The following POTEC variants were observed in gnomAD, a reference collection of about 807,000 sequenced individuals.
POTEC encodes ANKRD26-like family B member 2.
POTEC carries 35 observed loss-of-function variants against 62.0 expected under a neutral mutation model. That is an observed-to-expected ratio of 0.56 (90% CI 0.43 to 0.75). The LOEUF (loss-of-function observed/expected upper bound fraction) is 0.75. Among genes scored for constraint, POTEC ranks in the 30% least tolerant of loss-of-function variants. POTEC has a pLI of 0.00. For synonymous variants in POTEC, 156 were observed against 221.5 expected, an observed-to-expected ratio of 0.70 and a Z score of 2.62; for missense variants, 472 against 655.9, an observed-to-expected ratio of 0.72 and a Z score of 3.06.
In POTEC at chr18:14,508,521, T is replaced by A. The variant is rs965905096; in HGVS notation, c.*3377A>T. 2 of 152,666 alleles carry A rather than the reference T, an allele frequency of 1.3e-5. No homozygotes were observed. The highest frequency in any genetic ancestry group is 2.9e-5 in the Non-Finnish European group (2 of 68,048). The allele number at this position is 152,666 out of a possible 1,614,324, so 9.5% of individuals were successfully genotyped here. Reference sequence around the variant, plus strand: ...ATAATGCAATCACACACAATCACCATGTGACTACATTATGAAAATTCTTCT... The same window carrying A: ...ATAATGCAATCACACACAATCACCAAGTGACTACATTATGAAAATTCTTCT... On this transcript the variant is annotated 3_prime_UTR_variant, in exon 11 of 11. Transcript: ENST00000358970.
rs1204040838 is a variant in POTEC, at chr18:14,542,798, C to T, written c.349G>A (p.Val117Met). The change falls in exon 1 of 11, where the codon GTG (valine) becomes ATG (methionine). Residue 117 changes from valine (V) to methionine (M), a missense_variant. Val to Met is a conservative substitution (Grantham distance 21, BLOSUM62 1). Transcript: ENST00000358970. ...TCGTCGTAGTCTCCCCAAGCGCCCA[C>T]GTTGCTCTTGCCGCTCCCCCTGCAG... is the stretch of plus-strand genomic sequence containing the variant. ...PCCRGSGKSN[V>M]GAWGDYDDSA... 7.4e-6 allele frequency: 12 copies of T among 1,613,588 alleles called. No homozygotes were observed. The Admixed American group carries it at 1.5e-4, about 20-fold the overall frequency.
At chr18:14,531,606 T>C (rs1905519748) in intron 5 of POTEC, 1 of 151,970 alleles carries the variant, frequency 6.6e-6, no homozygotes, top group African/African-American at 2.4e-5. Flanking sequence ...GTGGCACCCA[T>C]TTTGCTTTGA....
intron 9 of POTEC, among the ~76,000 whole-genome samples, chr18:14,517,660 G>A (rs1254064408): frequency 6.6e-6 from 1 of 152,034 alleles, no homozygotes; most frequent in Admixed American, 6.6e-5. Context: ...TACAGAGTTC[G>A]AGACCAGCCT....
chr18:14,543,050 G>C lies in POTEC; in HGVS notation c.97C>G (p.Pro33Ala). Residue 33 changes from proline (P) to alanine (A), a missense_variant, in exon 1 of 11, where the codon CCC (proline) becomes GCC (alanine). This residue lies in a region of POTEC where 257 missense variants were observed against 250.7 expected (regional missense o/e 1.03). Transcript: ENST00000358970. ...KMGKWFHHRF[P>A]CCKGSGKSNM... Reference sequence around the variant, plus strand: ...CTCTTGCCGCTCCCCTTGCAGCAGGGGAAGCGGTGGTGAAACCACTTGCCC... The same window carrying C: ...CTCTTGCCGCTCCCCTTGCAGCAGGCGAAGCGGTGGTGAAACCACTTGCCC... 1 of 1,606,052 alleles carries C rather than the reference G, an allele frequency of 6.2e-7. No individual in the cohort carries two copies.
At chr18:14,533,939 T>C (rs1482213941) in intron 4 of POTEC, among the ~76,000 whole-genome samples, 2 of 151,796 alleles carry the variant, frequency 1.3e-5, no homozygotes, top group Non-Finnish European at 2.9e-5. Context: ...TTTTTTTAAT[T>C]ATACTTTAAG....
intron 10 of POTEC, 31 bp from the exon 11 acceptor site, chr18:14,512,024 A>C: frequency 6.7e-7 from 1 of 1,494,746 alleles, no homozygotes; most frequent in Non-Finnish European, 9.2e-7. Context: ...TTTAGTTAGC[A>C]CTCAATAGAA....
chr18:14,514,036 T>C (rs963202133), intron 9 of POTEC, among the ~76,000 whole-genome samples: 8 of 150,818 alleles, frequency 5.3e-5, no homozygotes, highest in Admixed American at 1.3e-4. Flanking sequence ...GCACATTACA[T>C]ACATTGTGCA....
rs1480210204 is a variant in POTEC at position 14,509,964 on chromosome 18, A to G, written c.*1934T>C. 6.7e-6 allele frequency: 1 copy of G among 148,810 alleles called. No individual in the cohort carries two copies. The highest frequency in any genetic ancestry group is 2.1e-4 in the East Asian group (1 of 4,818). The allele number at this position is 148,810 out of a possible 1,614,324, so 9.2% of individuals were successfully genotyped here. A position where few individuals can be genotyped will look rare whatever the true frequency, so the allele number is the denominator to read the frequency against. ...GGGCTGGTCTGACCTCAGCACTCCT[A>G]AAGTGCTGGGATAAAGTGTCTCATA... On this transcript the variant is annotated 3_prime_UTR_variant, in exon 11 of 11. Coordinates refer to ENST00000358970, the MANE Select transcript of POTEC (RefSeq NM_001137671.2).
chr18:14,532,087 C>G (rs1209702462), intron 5 of POTEC, among the ~76,000 whole-genome samples: 2 of 151,726 alleles, frequency 1.3e-5, no homozygotes, highest in Non-Finnish European at 1.5e-5. Context: ...AAAGGTGCCT[C>G]ACAGTATAGA....
At chr18:14,514,137 C>A (rs1910087208) in intron 9 of POTEC, among the ~76,000 whole-genome samples, 1 of 151,868 alleles carries the variant, frequency 6.6e-6, no homozygotes, top group Admixed American at 6.6e-5. Flanking sequence ...TGTTTTCCTG[C>A]AACTAGATGG....
At chr18:14,528,179 C>A (rs1274755636) in intron 6 of POTEC, 1 of 152,178 alleles carries the variant, frequency 6.6e-6, no homozygotes, top group Admixed American at 6.5e-5. Context: ...AAAAAGCTTG[C>A]TAACCCATTT....
rs1163768311 is a variant in POTEC, at chr18:14,507,524, C to A, written c.*4374G>T. On this transcript the variant is annotated 3_prime_UTR_variant, in exon 11 of 11. Coordinates refer to ENST00000358970, the MANE Select transcript of POTEC (RefSeq NM_001137671.2). ...CGGCATACTCCAATGGGTCTTGGTT[C>A]TTTATCCAGCTTGCCCCCTGTGTCT... 7 of 151,636 alleles carry A rather than the reference C, an allele frequency of 4.6e-5. 1 individual carries two copies. In the South Asian group the frequency reaches 1.0e-3, roughly 23 times the overall value. 9.4% of individuals were successfully genotyped at this position (151,636 alleles called of 1,614,324 possible).
intron 1 of POTEC, 36 bp downstream of exon 1, chr18:14,542,590 C>T: frequency 1.2e-6 from 2 of 1,611,850 alleles, no homozygotes; most frequent in Non-Finnish European, 1.7e-6. Flanking sequence ...CATCATCCCC[C>T]CATGTCCCGC....
In POTEC at chr18:14,533,292, G is replaced by C. The variant is rs149678320; in HGVS notation, c.918-94C>G. On this transcript the variant is annotated intron_variant, in intron 4 of 10. Coordinates refer to ENST00000358970, the MANE Select transcript of POTEC (RefSeq NM_001137671.2). The stretch of plus-strand genomic sequence containing the variant: ...ACTTTACCAATTTAACATCTTGCCT[G>C]TCCATGCAGAATCAAACATTTACAT... The C allele has an allele frequency of 3.9e-6, 6 of 1,551,544 alleles. No individual in the cohort carries two copies. In the Admixed American group the frequency reaches 7.7e-5, roughly 20 times the overall value.
rs113041483 is a variant in POTEC, at chr18:14,542,810, C to T, written c.337G>A (p.Gly113Ser). 9 of 1,613,452 alleles carry T rather than the reference C, an allele frequency of 5.6e-6. No individual in the cohort carries two copies. Among genetic ancestry groups the T allele is most frequent in the East Asian group, 2.2e-5 (1 of 44,862 alleles). Residue 113 changes from glycine to serine, a missense_variant, in exon 1 of 11, where the codon GGC becomes AGC. Physicochemically the swap from Gly to Ser is moderately conservative, Grantham distance 56. Transcript: ENST00000358970. ...CCCCAAGCGCCCACGTTGCTCTTGC[C>T]GCTCCCCCTGCAGCAGGGGAAGCAG... ...CHCFPCCRGS[G>S]KSNVGAWGDY...
At chr18:14,519,924 A>G (rs1047173243) in intron 9 of POTEC, among the ~76,000 whole-genome samples, 1 of 152,162 alleles carries the variant, frequency 6.6e-6, no homozygotes, top group African/African-American at 2.4e-5. Flanking sequence ...CCATTGCCTC[A>G]AATATTGCTG....
At chr18:14,522,539 C>T (rs1910338316) in intron 8 of POTEC, 119 bp from the exon 9 acceptor site, 3 of 1,505,236 alleles carry the variant, frequency 2.0e-6, no homozygotes, top group South Asian at 1.4e-5. Context: ...AAATATCTCA[C>T]ACTTAAATTT....
chr18:14,530,885 T>C (rs1379426058), intron 5 of POTEC, among the ~76,000 whole-genome samples: 1 of 152,190 alleles, frequency 6.6e-6, no homozygotes. Context: ...ATTTCTTCTC[T>C]TAGGCTCAAT....
In POTEC at chr18:14,542,771, T is replaced by C. The variant is rs759821315; in HGVS notation, c.376A>G (p.Ser126Gly). 4 of 1,613,764 alleles carry C rather than the reference T, an allele frequency of 2.5e-6. No homozygotes were observed. In the Admixed American group the frequency reaches 6.7e-5, roughly 27 times the overall value. Residue 126 changes from serine to glycine, a missense_variant, in exon 1 of 11, where the codon AGC becomes GGC. Transcript: ENST00000358970. ...NVGAWGDYDD[S>G]AFMEPRYHVR... ...TGGTACCTCGGCTCCATGAAGGCGC[T>C]GTCGTCGTAGTCTCCCCAAGCGCCC...
Sources: gnomAD v4.1 joint callset for allele counts (sites outside exome capture counted in the v4.1 genomes callset) on GRCh38, gnomAD v4.1.1 for gene constraint, gnomAD v4.1.1 regional missense constraint, MANE v1.5 for transcripts, NCBI Gene and HGNC (gene_info 2026-07-23, HGNC 2026-07-21) for gene names.